The following ACOXL variants were observed in gnomAD, a reference collection of about 807,000 sequenced individuals.
ACOXL encodes the protein acyl-CoA oxidase like, also known as acyl-coenzyme A oxidase-like protein.
A neutral mutation model predicts 71.9 loss-of-function variants in ACOXL; 70 were observed. The observed-to-expected ratio is 0.97, with a 90% CI of 0.80 to 1.19. The LOEUF is 1.19. Ranked by LOEUF, ACOXL falls within the 50% of genes most tolerant of loss-of-function variation. The pLI, the probability that ACOXL is intolerant of heterozygous loss-of-function variation, is 0.00. For synonymous variants in ACOXL, 253 were observed against 281.6 expected, an observed-to-expected ratio of 0.90 and a Z score of 1.02; for missense variants, 703 against 736.3, an observed-to-expected ratio of 0.95 and a Z score of 0.52.
chr2:110,759,816 C>A (rs1422252688), intron 1 of ACOXL, among the ~76,000 whole-genome samples: 1 of 152,082 alleles, frequency 6.6e-6, no homozygotes, highest in Non-Finnish European at 1.5e-5. Flanking sequence ...ATATTGTCTT[C>A]TATTAATAAA....
chr2:111,100,170 G>A (rs1558968553), intron 17 of ACOXL: 2 of 152,596 alleles, frequency 1.3e-5, no homozygotes, highest in African/African-American at 4.8e-5. Flanking sequence ...GTCTACCTGT[G>A]TTGAGAGAAC....
chr2:110,741,848 A>T (rs1481213246), intron 1 of ACOXL, among the ~76,000 whole-genome samples: 1 of 152,084 alleles, frequency 6.6e-6, no homozygotes, highest in African/African-American at 2.4e-5. Flanking sequence ...CACAAACTGG[A>T]GAATGGTGAG....
At chr2:110,838,196 AAC>A (rs1228628796) in intron 9 of ACOXL, among the ~76,000 whole-genome samples, 10 of 152,194 alleles carry the variant, frequency 6.6e-5, no homozygotes, top group Admixed American at 1.3e-4. Flanking sequence ...CATGTGAATA[AAC>A]ACATGCACAC....
chr2:110,784,816 G>A lies in ACOXL; in HGVS notation c.159+1G>A. The A allele has an allele frequency of 6.3e-7, 1 of 1,599,362 alleles. No homozygotes were observed. Among genetic ancestry groups the A allele is most frequent in the South Asian group, 1.1e-5 (1 of 88,384 alleles). ...GGCGGACATGGCCACAGGAGTGAAG[G>A]TGAGAGGCGCCGGGCACCTGCCCTT... is the stretch of plus-strand genomic sequence containing the variant. On this transcript the variant is annotated splice_donor_variant, in intron 3 of 17. Transcript: ENST00000439055. LOFTEE classifies it high-confidence loss of function.
chr2:110,857,761 T>C (rs1693440600), intron 10 of ACOXL, among the ~76,000 whole-genome samples: 1 of 152,214 alleles, frequency 6.6e-6, no homozygotes, highest in African/African-American at 2.4e-5. Flanking sequence ...GGCCTGGCTC[T>C]GTTGCCCAGG....
At chr2:110,904,556 A>G (rs1176769213) in intron 10 of ACOXL, among the ~76,000 whole-genome samples, 1 of 152,128 alleles carries the variant, frequency 6.6e-6, no homozygotes, top group Non-Finnish European at 1.5e-5. Context: ...TTTAAAATGT[A>G]GGTTGTATTA....
At chr2:111,109,671 A>ATTTTTCTTTTTT (rs2069802777) in intron 17 of ACOXL, among the ~76,000 whole-genome samples, 1 of 75,644 alleles carries the variant, frequency 1.3e-5, no homozygotes, top group Non-Finnish European at 2.4e-5. Flanking sequence ...TTCTCCTTCT[A>ATTTTTCTTTTTT]TTTTTTTTTT....
chr2:110,888,991 G>A (rs1697637915), intron 10 of ACOXL, among the ~76,000 whole-genome samples: 1 of 152,226 alleles, frequency 6.6e-6, no homozygotes, highest in African/African-American at 2.4e-5. Context: ...CGCCAGACCA[G>A]TAGCTTTTGT....
intron 2 of ACOXL, among the ~76,000 whole-genome samples, chr2:110,778,943 C>T (rs1347746857): frequency 6.6e-6 from 1 of 152,080 alleles, no homozygotes; most frequent in Non-Finnish European, 1.5e-5. Context: ...CAATAAGATA[C>T]GTTCATTATT....
At chr2:110,964,945 G>A (rs937714935) in intron 12 of ACOXL, among the ~76,000 whole-genome samples, 1 of 152,012 alleles carries the variant, frequency 6.6e-6, no homozygotes, top group Non-Finnish European at 1.5e-5. Flanking sequence ...ATATTTGTAC[G>A]GATTAATCAA....
chr2:110,817,691 A>G (rs7592757), intron 9 of ACOXL, among the ~76,000 whole-genome samples: 148,250 of 152,276 alleles, frequency 0.97, 72,300 homozygotes, highest in Middle Eastern at 1. Context: ...AGGGTGATGG[A>G]CATTGGCTCC....
At chr2:111,053,006 T>G (rs1290794809) in intron 16 of ACOXL, among the ~76,000 whole-genome samples, 1 of 152,092 alleles carries the variant, frequency 6.6e-6, no homozygotes, top group Non-Finnish European at 1.5e-5. Context: ...CCTGACCCCT[T>G]AAGGACAAGT....
At chr2:111,072,509 T>C (rs891817692) in intron 16 of ACOXL, among the ~76,000 whole-genome samples, 1 of 152,248 alleles carries the variant, frequency 6.6e-6, no homozygotes, top group Non-Finnish European at 1.5e-5. Flanking sequence ...ATTTGGGTTA[T>C]GTCCAGTTTT....
At chr2:110,791,514 C>A (rs1487625141) in intron 3 of ACOXL, among the ~76,000 whole-genome samples, 1 of 152,190 alleles carries the variant, frequency 6.6e-6, no homozygotes, top group African/African-American at 2.4e-5. Flanking sequence ...GGAAAAAACA[C>A]GTACCATTTG....
At chr2:110,889,853 G>A (rs2149138221) in intron 10 of ACOXL, among the ~76,000 whole-genome samples, 1 of 152,144 alleles carries the variant, frequency 6.6e-6, no homozygotes, top group East Asian at 1.9e-4. Flanking sequence ...TATGTCAAAT[G>A]GTAACTCTAT....
At position 110,841,424 on chromosome 2, in the gene ACOXL, G is replaced by T. The variant is rs1691164559; in HGVS notation, c.788+19G>T. On this transcript the variant is annotated intron_variant, in intron 10 of 17. Coordinates refer to ENST00000439055, the MANE Select transcript of ACOXL (RefSeq NM_001142807.4). ...GCCACAGGTAAATGTTTACATTTTT[G>T]TTTCTTTTAAGAATTATCCTTACCA... 1.0e-5 allele frequency: 16 copies of T among 1,601,578 alleles called. No homozygotes were observed. Among genetic ancestry groups the T allele is most frequent in the Non-Finnish European group, 1.4e-5 (16 of 1,171,968 alleles).
chr2:110,962,809 C>G (rs536671779), intron 12 of ACOXL, among the ~76,000 whole-genome samples: 15 of 152,340 alleles, frequency 9.8e-5, no homozygotes, highest in African/African-American at 3.6e-4. Context: ...AGTAACAGGA[C>G]AGTCAGCTCT....
intron 16 of ACOXL, among the ~76,000 whole-genome samples, chr2:111,059,778 AAAG>A (rs1193362930): frequency 3.3e-5 from 5 of 151,820 alleles, no homozygotes; most frequent in Non-Finnish European, 7.4e-5. Context: ...GAAAAAAAAA[AAAG>A]AGAGAAGAAG....
chr2:110,809,951 C>T (rs1278979486), intron 9 of ACOXL, among the ~76,000 whole-genome samples: 1 of 152,230 alleles, frequency 6.6e-6, no homozygotes, highest in Non-Finnish European at 1.5e-5. Context: ...CCAAGCTCTT[C>T]CACAGCTCCA....
Sources: gnomAD v4.1 joint callset for allele counts (sites outside exome capture counted in the v4.1 genomes callset) on GRCh38, gnomAD v4.1.1 for gene constraint, MANE v1.5 for transcripts, NCBI Gene and HGNC (gene_info 2026-07-23, HGNC 2026-07-21) for gene names.